ROCK2: variants seen among roughly 807,000 people sequenced by gnomAD.
ROCK2 encodes rho-associated protein kinase 2.
A neutral mutation model predicts 195.1 loss-of-function variants in ROCK2; 61 were observed. The observed-to-expected ratio is 0.31, with a 90% CI of 0.25 to 0.39. ROCK2 has a LOEUF of 0.39. Ranked by LOEUF, ROCK2 falls within the 10% of genes least tolerant of loss-of-function variation. The pLI is 1.00. For missense variants in ROCK2, 1,109 were observed against 1,637.4 expected (o/e 0.68, Z 5.57); for synonymous variants, 504 against 545.5 (o/e 0.92, Z 1.06).
chr2:11,204,070 GAGA>G (rs1663960088), intron 20 of ROCK2, among the ~76,000 whole-genome samples: 1 of 152,190 alleles, frequency 6.6e-6, no homozygotes, highest in South Asian at 2.1e-4. Flanking sequence ...AAATTACAAT[GAGA>G]AGTAGAAGTC....
rs1427053114 is a variant in ROCK2, at chr2:11,201,476, AG to A, written c.2620-64del. The A allele has an allele frequency of 1.1e-6, 1 of 898,348 alleles. No individual in the cohort carries two copies. Among genetic ancestry groups the A allele is most frequent in the Non-Finnish European group, 1.8e-6 (1 of 550,648 alleles). The allele number at this position is 898,348 out of a possible 1,614,324, so 55.6% of individuals were successfully genotyped here. On this transcript the variant is annotated intron_variant, in intron 21 of 32. Coordinates refer to ENST00000315872, the MANE Select transcript of ROCK2 (RefSeq NM_004850.5). The surrounding 1 kb of genome is among the most constrained non-coding windows in gnomAD (Gnocchi z 4.6). ...CAGAAATATTACTTCTACATTCAAA[AG>A]CTATTCAGACAAAAAGGAGAATGAA...
chr2:11,282,326 G>T (rs72787687), intron 3 of ROCK2, among the ~76,000 whole-genome samples: 6,450 of 152,146 alleles, frequency 0.042, 276 homozygotes, highest in Non-Finnish European at 0.06. Context: ...ACTCCAGCCT[G>T]CGCAACAGAG....
chr2:11,223,816 C>T (rs1245283286), intron 7 of ROCK2, among the ~76,000 whole-genome samples: 2 of 152,072 alleles, frequency 1.3e-5, no homozygotes, highest in African/African-American at 4.8e-5. Flanking sequence ...GGTTTTCACA[C>T]CTTTGTTCAT....
intron 32 of ROCK2, chr2:11,184,589 TAATG>T: frequency 1.1e-5 from 11 of 975,642 alleles, no homozygotes; most frequent in Non-Finnish European, 1.2e-5. Flanking sequence ...AAATAAAAAA[TAATG>T]AAAGCCCAAG....
chr2:11,200,906 AG>A, intron 23 of ROCK2, 50 bp downstream of exon 23: 1 of 1,482,902 alleles, frequency 6.7e-7, no homozygotes, highest in South Asian at 1.4e-5. Flanking sequence ...AGAAGGTTTA[AG>A]ATATAGCAAT....
chr2:11,271,587 G>C (rs115832866), intron 3 of ROCK2, among the ~76,000 whole-genome samples: 2 of 152,278 alleles, frequency 1.3e-5, no homozygotes, highest in Non-Finnish European at 2.9e-5. Context: ...CATTTTATTT[G>C]TTGTTAGGAT....
intron 3 of ROCK2, among the ~76,000 whole-genome samples, chr2:11,270,942 A>C (rs1209828760): frequency 6.6e-6 from 1 of 152,210 alleles, no homozygotes; most frequent in Admixed American, 6.5e-5. Flanking sequence ...GAACTTCTGT[A>C]AATAGGTCTT....
chr2:11,286,065 G>C (rs956539793), intron 3 of ROCK2, among the ~76,000 whole-genome samples: 1 of 150,298 alleles, frequency 6.7e-6, no homozygotes, highest in Non-Finnish European at 1.5e-5. Flanking sequence ...AGGAATACGA[G>C]ATTAGGAAGA....
chr2:11,257,273 G>A (rs1666068657), intron 3 of ROCK2, among the ~76,000 whole-genome samples: 1 of 56 alleles, frequency 0.018, no homozygotes, highest in Non-Finnish European at 0.038. Flanking sequence ...CCACTGTGGA[G>A]TCCCTGCTGG....
At chr2:11,236,048 C>T (rs1031742313) in intron 4 of ROCK2, 86 bp from the exon 5 acceptor site, 17 of 1,251,056 alleles carry the variant, frequency 1.4e-5, no homozygotes, top group South Asian at 1.3e-4. Flanking sequence ...ACTATTATTA[C>T]TATTGAAAAA....
At chr2:11,255,928 C>CAA (rs57678031) in intron 3 of ROCK2, among the ~76,000 whole-genome samples, 581 of 33,064 alleles carry the variant, frequency 0.018, 123 homozygotes, top group African/African-American at 0.072. Flanking sequence ...GACTCCATCT[C>CAA]AAAAAAAAAA....
At chr2:11,302,482 T>C (rs1048859889) in intron 1 of ROCK2, among the ~76,000 whole-genome samples, 5 of 152,170 alleles carry the variant, frequency 3.3e-5, no homozygotes, top group African/African-American at 1.2e-4. Flanking sequence ...ACCTTCCAAA[T>C]GCCTAGAAAA....
At chr2:11,221,112 CTCCTATAATTGAGTCTCAAAATAACACA>C in intron 9 of ROCK2, 58 bp downstream of exon 9, 1 of 937,798 alleles carries the variant, frequency 1.1e-6, no homozygotes, top group Non-Finnish European at 1.5e-6. Context: ...AATACTTTAT[CTCCTATAATTGAGTCTCAAAATAACACA>C]TCATCTTATA....
intron 18 of ROCK2, 131 bp from the exon 19 acceptor site, chr2:11,208,578 T>C (rs1014707377): frequency 2.2e-5 from 10 of 449,262 alleles, no homozygotes; most frequent in African/African-American, 2.0e-4. Context: ...CCTTATATTC[T>C]ATTAATTTTC....
At position 11,257,811 on chromosome 2, in the gene ROCK2, C is replaced by T. The variant is rs573813562; in HGVS notation, c.325-8013G>A. ...TAATAAGCAAATACACTTTCATTTA[C>T]TAACTAGAGCAGTAATAGTGATTTT... is the stretch of plus-strand genomic sequence containing the variant. On this transcript the variant is annotated intron_variant, in intron 3 of 32. Coordinates refer to ENST00000315872, the MANE Select transcript of ROCK2 (RefSeq NM_004850.5). Among the ~76,000 whole-genome samples the T allele has an allele frequency of 4.0e-5, 6 of 151,466 alleles. No individual in the cohort carries two copies. In the South Asian group the frequency reaches 1.2e-3, roughly 31 times the overall value.
At chr2:11,310,953 C>T (rs1668015408) in intron 1 of ROCK2, among the ~76,000 whole-genome samples, 1 of 151,392 alleles carries the variant, frequency 6.6e-6, no homozygotes. Context: ...TCATTTAGGA[C>T]AACAGTTTTG....
At chr2:11,324,418 C>T (rs981530011) in intron 1 of ROCK2, among the ~76,000 whole-genome samples, 3 of 137,650 alleles carry the variant, frequency 2.2e-5, no homozygotes, top group Non-Finnish European at 4.7e-5. Flanking sequence ...AGGGAGACTC[C>T]GTCTCAAAAA....
chr2:11,190,681 T>C (rs182150550), intron 32 of ROCK2, among the ~76,000 whole-genome samples: 3 of 152,258 alleles, frequency 2.0e-5, no homozygotes, highest in East Asian at 3.9e-4. Flanking sequence ...TTCTATTCCA[T>C]AGGACTATTT....
chr2:11,226,029 T>C (rs766033444), intron 6 of ROCK2, among the ~76,000 whole-genome samples: 3 of 152,226 alleles, frequency 2.0e-5, no homozygotes, highest in East Asian at 1.9e-4. Flanking sequence ...TCTTTTATCA[T>C]ACAGGTTTTA....
Sources: gnomAD v4.1 joint callset for allele counts (sites outside exome capture counted in the v4.1 genomes callset) on GRCh38, gnomAD v4.1.1 for gene constraint, Gnocchi (gnomAD v3.1) non-coding constraint, MANE v1.5 for transcripts, NCBI Gene and HGNC (gene_info 2026-07-23, HGNC 2026-07-21) for gene names.